The following FAF1 variants were observed in gnomAD, a reference collection of about 807,000 sequenced individuals.
FAF1 encodes Fas associated factor 1.
A neutral mutation model predicts 92.5 loss-of-function variants in FAF1; 25 were observed. The observed-to-expected ratio is 0.27, with a 90% CI of 0.20 to 0.38. FAF1 has a LOEUF of 0.38. FAF1 is among the 10% of genes least tolerant of loss of function. The pLI is 1.00. For missense variants in FAF1, 636 were observed against 793.3 expected (o/e 0.80, Z 2.38); for synonymous variants, 234 against 273.2 (o/e 0.86, Z 1.42).
intron 15 of FAF1, among the ~76,000 whole-genome samples, chr1:50,524,879 T>G (rs1465049107): frequency 6.6e-6 from 1 of 152,054 alleles, no homozygotes; most frequent in Non-Finnish European, 1.5e-5. Flanking sequence ...CTCTTTTTTT[T>G]GGTCCCATAT....
At chr1:50,956,254 T>G (rs953848145) in intron 1 of FAF1, among the ~76,000 whole-genome samples, 23 of 152,330 alleles carry the variant, frequency 1.5e-4, no homozygotes, top group South Asian at 4.2e-4. Context: ...TTCACCCATC[T>G]ATAATATTCC....
intron 2 of FAF1, among the ~76,000 whole-genome samples, chr1:50,831,002 C>A (rs1257514993): frequency 6.6e-6 from 1 of 151,990 alleles, no homozygotes; most frequent in Admixed American, 6.6e-5. Flanking sequence ...TTAAGGAAAA[C>A]CATTTGAATC....
intron 4 of FAF1, among the ~76,000 whole-genome samples, chr1:50,766,087 T>C (rs1238352399): frequency 2.0e-5 from 3 of 151,708 alleles, no homozygotes; most frequent in Non-Finnish European, 2.9e-5. Flanking sequence ...AACGAAACTC[T>C]GTCTCAAAAA....
intron 7 of FAF1, among the ~76,000 whole-genome samples, chr1:50,681,890 G>A (rs1656442909): frequency 6.6e-6 from 1 of 151,814 alleles, no homozygotes; most frequent in Admixed American, 6.6e-5. Flanking sequence ...ATGGAGTGCA[G>A]TAGTGCAATC....
intron 1 of FAF1, among the ~76,000 whole-genome samples, chr1:50,867,840 G>A (rs1644495213): frequency 6.6e-6 from 1 of 152,118 alleles, no homozygotes; most frequent in Non-Finnish European, 1.5e-5. Context: ...TACCTACCCA[G>A]AGGGAAAGAA....
At chr1:50,879,877 CAGA>C (rs1644598097) in intron 1 of FAF1, among the ~76,000 whole-genome samples, 3 of 152,114 alleles carry the variant, frequency 2.0e-5, no homozygotes, top group Middle Eastern at 3.2e-3. Context: ...CTAAGGCAGT[CAGA>C]AGAAGTAGGA....
rs116582233 is a variant in FAF1, at chr1:50,522,025, C to A, written c.1494+13344G>T. On this transcript the variant is annotated intron_variant, in intron 15 of 18. Transcript: ENST00000396153. ...GATCTATCAGCAGGCACTTTAAGAACAACAAATGTAAACAGGGACGGTATG... is the reference window on the plus strand; with the variant it reads ...GATCTATCAGCAGGCACTTTAAGAAAAACAAATGTAAACAGGGACGGTATG... Among the ~76,000 whole-genome samples the A allele has an allele frequency of 8.5e-3, 1,292 of 152,268 alleles. 18 individuals carry two copies. Among genetic ancestry groups the A allele is most frequent in the African/African-American group, 0.03 (1,249 of 41,540 alleles).
chr1:50,635,314 T>C (rs926055505), intron 8 of FAF1, among the ~76,000 whole-genome samples: 6 of 152,212 alleles, frequency 3.9e-5, no homozygotes, highest in Non-Finnish European at 8.8e-5. Flanking sequence ...TTTAATCACA[T>C]GAAGACAAAG....
At chr1:50,627,012 TAAG>T (rs772111100) in intron 8 of FAF1, among the ~76,000 whole-genome samples, 72 of 152,266 alleles carry the variant, frequency 4.7e-4, no homozygotes, top group Non-Finnish European at 7.5e-4. Flanking sequence ...TTAGAATACT[TAAG>T]AAGAAGATCA....
intron 7 of FAF1, among the ~76,000 whole-genome samples, chr1:50,690,152 T>C (rs1369564842): frequency 1.3e-5 from 2 of 151,728 alleles, no homozygotes; most frequent in South Asian, 2.1e-4. Flanking sequence ...CATGTCACCA[T>C]GCCCGGCTAA....
chr1:50,800,031 A>G (rs764156709), intron 3 of FAF1, among the ~76,000 whole-genome samples: 5 of 152,212 alleles, frequency 3.3e-5, no homozygotes, highest in Admixed American at 6.5e-5. Context: ...TCATGTAGAC[A>G]TATGTTTCAT....
chr1:50,764,844 C>A (rs1405841410), intron 4 of FAF1, among the ~76,000 whole-genome samples: 1 of 152,184 alleles, frequency 6.6e-6, no homozygotes, highest in Non-Finnish European at 1.5e-5. Context: ...ACTAACCTGT[C>A]AGAGATGTAA....
At position 50,845,573 on chromosome 1, in the gene FAF1, C is replaced by T. The variant is rs533745082; in HGVS notation, c.114+12356G>A. 2.0e-5 allele frequency among the ~76,000 whole-genome samples: 3 copies of T among 152,188 alleles called. No homozygotes were observed. In the East Asian group the frequency reaches 5.8e-4, roughly 30 times the overall value. On this transcript the variant is annotated intron_variant, in intron 2 of 18. Coordinates refer to ENST00000396153, the MANE Select transcript of FAF1 (RefSeq NM_007051.3). Reference sequence around the variant, plus strand: ...AGCCCACTGTGTACCCACTCTTCTGCTTGCTGATTTGCTCCCCCACCTGCA... The same window carrying T: ...AGCCCACTGTGTACCCACTCTTCTGTTTGCTGATTTGCTCCCCCACCTGCA...
At chr1:50,611,619 C>A (rs1374031013) in intron 8 of FAF1, among the ~76,000 whole-genome samples, 1 of 152,198 alleles carries the variant, frequency 6.6e-6, no homozygotes, top group Admixed American at 6.5e-5. Context: ...TGGTTAAGCT[C>A]TGAATACTTC....
At chr1:50,736,352 T>C (rs982760441) in intron 6 of FAF1, among the ~76,000 whole-genome samples, 1 of 152,250 alleles carries the variant, frequency 6.6e-6, no homozygotes, top group Non-Finnish European at 1.5e-5. Flanking sequence ...TTTGATTCAT[T>C]ATGAAGTCTA....
At chr1:50,511,348 A>G (rs1647131339) in intron 15 of FAF1, among the ~76,000 whole-genome samples, 1 of 152,166 alleles carries the variant, frequency 6.6e-6, no homozygotes, top group Non-Finnish European at 1.5e-5. Flanking sequence ...TGCACCCATC[A>G]ACCCGTCATC....
At chr1:50,448,629 A>G (rs1389756927) in intron 18 of FAF1, among the ~76,000 whole-genome samples, 2 of 152,200 alleles carry the variant, frequency 1.3e-5, no homozygotes, top group Non-Finnish European at 2.9e-5. Context: ...TGCAGTGTCC[A>G]GCTATACCAT....
rs375819386 is a variant in FAF1, at chr1:50,783,601, C to T, written c.367+4399G>A. On this transcript the variant is annotated intron_variant, in intron 4 of 18. Coordinates refer to ENST00000396153, the MANE Select transcript of FAF1 (RefSeq NM_007051.3). Reference sequence around the variant, plus strand: ...TTAACATAAAAAAATCGGCCAGGCGCGGTGGTTCACGCCTGTAATCCCAGC... The same window carrying T: ...TTAACATAAAAAAATCGGCCAGGCGTGGTGGTTCACGCCTGTAATCCCAGC... Among the ~76,000 whole-genome samples, 4 of 152,170 alleles carry T rather than the reference C, an allele frequency of 2.6e-5. No homozygotes were observed. The East Asian group carries it at 5.8e-4, about 22-fold the overall frequency.
At chr1:50,722,334 G>C (rs918604892) in intron 6 of FAF1, among the ~76,000 whole-genome samples, 1 of 152,088 alleles carries the variant, frequency 6.6e-6, no homozygotes, top group Non-Finnish European at 1.5e-5. Context: ...AATGCTCAAA[G>C]ACACGAATAA....
Sources: gnomAD v4.1 joint callset for allele counts (sites outside exome capture counted in the v4.1 genomes callset) on GRCh38, gnomAD v4.1.1 for gene constraint, MANE v1.5 for transcripts, NCBI Gene and HGNC (gene_info 2026-07-23, HGNC 2026-07-21) for gene names.